The following ATM variants were observed in gnomAD, a reference collection of about 807,000 sequenced individuals.
ATM encodes ATM serine/threonine kinase.
Under a neutral mutation model 387.0 loss-of-function variants are expected in ATM, and 308 were observed. That is an observed-to-expected ratio of 0.80 (90% CI 0.73 to 0.87). The LOEUF is 0.87. ATM is among the 40% of genes least tolerant of loss of function. The probability of loss-of-function intolerance (pLI) is 0.00; values close to 1 mark genes in which losing one functional copy is unlikely to be tolerated. For missense variants in ATM, 3,312 were observed against 3,560.9 expected (o/e 0.93, Z 1.78); for synonymous variants, 1,156 against 1,187.3 (o/e 0.97, Z 0.54).
At chr11:108,255,511 C>T (rs532792799) in intron 13 of ATM, among the ~76,000 whole-genome samples, 21 of 148,460 alleles carry the variant, frequency 1.4e-4, no homozygotes, top group African/African-American at 4.7e-4. Flanking sequence ...TTGCAACCTT[C>T]GCCTCCTGGG....
intron 61 of ATM, among the ~76,000 whole-genome samples, chr11:108,358,766 G>A (rs2090348568): frequency 6.8e-6 from 1 of 147,646 alleles, no homozygotes; most frequent in African/African-American, 2.5e-5. Flanking sequence ...GTCACCACCA[G>A]GCCTACCCTA....
intron 10 of ATM, among the ~76,000 whole-genome samples, chr11:108,251,278 A>G (rs1463542980): frequency 1.3e-5 from 2 of 152,216 alleles, no homozygotes; most frequent in African/African-American, 2.4e-5. Flanking sequence ...TTAAAGACTA[A>G]TGTTAAGGAA....
intron 38 of ATM, chr11:108,308,444 G>C: frequency 5.1e-6 from 1 of 195,162 alleles, no homozygotes; most frequent in Non-Finnish European, 1.1e-5. Context: ...TGGCAATACT[G>C]TGCTGTGACA....
chr11:108,273,577 G>A (rs1177425261), intron 22 of ATM, among the ~76,000 whole-genome samples: 1 of 151,736 alleles, frequency 6.6e-6, no homozygotes, highest in Non-Finnish European at 1.5e-5. Flanking sequence ...CCTGACCTCA[G>A]GTGATCCACC....
intron 59 of ATM, among the ~76,000 whole-genome samples, chr11:108,348,744 TGAGAG>T (rs2088808724): frequency 6.6e-6 from 1 of 152,140 alleles, no homozygotes; most frequent in Non-Finnish European, 1.5e-5. Flanking sequence ...AATAATATAT[TGAGAG>T]GAGAGAAAAT....
chr11:108,330,549 G>A, intron 50 of ATM, 128 bp downstream of exon 50: 1 of 927,714 alleles, frequency 1.1e-6, no homozygotes, highest in African/African-American at 1.6e-5. Flanking sequence ...CACATAAGTA[G>A]CATTTTGTAG....
chr11:108,261,736 A>G (rs2080903877), intron 16 of ATM, among the ~76,000 whole-genome samples: 1 of 152,084 alleles, frequency 6.6e-6, no homozygotes, highest in Non-Finnish European at 1.5e-5. Context: ...AAACTTTGAA[A>G]AAAATTTAGA....
chr11:108,275,477 T>G (rs1436244820), intron 22 of ATM, among the ~76,000 whole-genome samples: 1 of 152,176 alleles, frequency 6.6e-6, no homozygotes, highest in Non-Finnish European at 1.5e-5. Context: ...TACAATTTGG[T>G]ATGTTTTTGC....
Position 108,252,027 on chromosome 11 carries a change from CACAGGTAAT to C in ATM, c.1799_1802+5del, listed in dbSNP as rs781244480. On this transcript the variant is annotated splice_donor_variant and splice_donor_5th_base_variant and coding_sequence_variant and intron_variant, in exon 11 of 63. Transcript: ENST00000675843. LOFTEE classifies it high-confidence loss of function. ...TAGCACAGAAGTGCCTCCAATTCTT[CACAGGTAAT>C]TTAAGTTCATTAGCATGCTGCTGTT... 6.2e-7 allele frequency: 1 copy of C among 1,611,444 alleles called. No individual in the cohort carries two copies. The highest frequency in any genetic ancestry group is 8.5e-7 in the Non-Finnish European group (1 of 1,179,314).
chr11:108,264,435 T>G (rs2081094636), intron 16 of ATM, among the ~76,000 whole-genome samples: 2 of 152,136 alleles, frequency 1.3e-5, no homozygotes, highest in African/African-American at 2.4e-5. Context: ...TCAACAACCC[T>G]TCATGCCAAA....
intron 22 of ATM, among the ~76,000 whole-genome samples, chr11:108,277,169 G>A (rs1428992983): frequency 6.6e-6 from 1 of 152,116 alleles, no homozygotes; most frequent in African/African-American, 2.4e-5. Context: ...ATACTGTGAG[G>A]GGAAAACATC....
At chr11:108,299,555 C>T (rs548348035) in intron 33 of ATM, 159 bp from the exon 34 acceptor site, 5 of 666,828 alleles carry the variant, frequency 7.5e-6, no homozygotes, top group Admixed American at 7.0e-5. Context: ...CCTCTGTCTC[C>T]CAAAGTGCTG....
chr11:108,276,057 CT>C (rs1420204652), intron 22 of ATM, among the ~76,000 whole-genome samples: 2 of 152,076 alleles, frequency 1.3e-5, no homozygotes, highest in Non-Finnish European at 2.9e-5. Context: ...TTGTTTGTTC[CT>C]TTTCATTCTT....
chr11:108,266,564 A>C (rs1191436053), intron 16 of ATM, among the ~76,000 whole-genome samples: 1 of 151,660 alleles, frequency 6.6e-6, no homozygotes. Context: ...GCAGCACACC[A>C]GCATGGCACA....
chr11:108,309,031 A>G (rs191220922), intron 38 of ATM: 6 of 1,525,964 alleles, frequency 3.9e-6, no homozygotes, highest in Middle Eastern at 1.7e-4. Context: ...AAAATTCTTC[A>G]TATTCCATTT....
intron 45 of ATM, among the ~76,000 whole-genome samples, chr11:108,324,646 A>G (rs921381833): frequency 6.6e-6 from 1 of 152,128 alleles, no homozygotes; most frequent in East Asian, 1.9e-4. Flanking sequence ...TTCATTTCTT[A>G]GTCATCACTT....
At chr11:108,287,815 T>A (rs2082574135) in intron 27 of ATM, 100 bp downstream of exon 27, 2 of 841,160 alleles carry the variant, frequency 2.4e-6, no homozygotes, top group African/African-American at 3.5e-5. Flanking sequence ...TTTATAGACA[T>A]CACTCTTTTT....
chr11:108,252,208 T>G (rs1201703368), intron 11 of ATM, among the ~76,000 whole-genome samples, 177 bp downstream of exon 11: 1 of 152,242 alleles, frequency 6.6e-6, no homozygotes, highest in Middle Eastern at 3.2e-3. Flanking sequence ...TATGCCTGAT[T>G]GCTTCTGAAA....
At chr11:108,268,245 T>G (rs2081369455) in intron 17 of ATM, among the ~76,000 whole-genome samples, 165 bp from the exon 18 acceptor site, 1 of 152,204 alleles carries the variant, frequency 6.6e-6, no homozygotes, top group Non-Finnish European at 1.5e-5. Context: ...GAATCTTGGA[T>G]AATTTTTCAA....
Sources: gnomAD v4.1 joint callset for allele counts (sites outside exome capture counted in the v4.1 genomes callset) on GRCh38, gnomAD v4.1.1 for gene constraint, MANE v1.5 for transcripts, NCBI Gene and HGNC (gene_info 2026-07-23, HGNC 2026-07-21) for gene names.